The following ZRANB3 variants were observed in gnomAD, a reference collection of about 807,000 sequenced individuals.
ZRANB3 encodes DNA annealing helicase and endonuclease ZRANB3.
In ZRANB3, 125 loss-of-function variants were observed where a neutral mutation model predicts 133.8. The ratio of observed to expected loss-of-function variants is 0.93; its 90% CI spans 0.81 to 1.08. ZRANB3 has a LOEUF of 1.08. Among genes scored for constraint, ZRANB3 ranks in the 50% least tolerant of loss-of-function variants. The pLI, the probability that ZRANB3 is intolerant of heterozygous loss-of-function variation, is 0.00. For missense variants in ZRANB3, 1,229 were observed against 1,275.5 expected, an observed-to-expected ratio of 0.96 and a Z score of 0.56; for synonymous variants, 387 against 432.7, an observed-to-expected ratio of 0.89 and a Z score of 1.31.
intron 12 of ZRANB3, among the ~76,000 whole-genome samples, chr2:135,252,654 G>C (rs1035495085): frequency 6.6e-6 from 1 of 152,306 alleles, no homozygotes; most frequent in Admixed American, 6.5e-5. Flanking sequence ...GATGTCCTGA[G>C]TGAACCCTTC....
At chr2:135,481,359 T>C (rs1237356626) in intron 2 of ZRANB3, among the ~76,000 whole-genome samples, 1 of 152,050 alleles carries the variant, frequency 6.6e-6, no homozygotes, top group African/African-American at 2.4e-5. Flanking sequence ...ATTTCTCTGA[T>C]GGCCAGTGAT....
At chr2:135,292,737 T>G (rs910195617) in intron 8 of ZRANB3, among the ~76,000 whole-genome samples, 1 of 152,212 alleles carries the variant, frequency 6.6e-6, no homozygotes, top group African/African-American at 2.4e-5. Flanking sequence ...GGTCTAACAT[T>G]TAAGTCTTTA....
intron 1 of ZRANB3, among the ~76,000 whole-genome samples, chr2:135,506,446 A>G (rs566980948): frequency 2.6e-5 from 4 of 152,320 alleles, no homozygotes; most frequent in African/African-American, 9.6e-5. Flanking sequence ...GGAACGGTGT[A>G]AGATGAAGCT....
At chr2:135,427,464 A>T (rs535340462) in intron 2 of ZRANB3, among the ~76,000 whole-genome samples, 12 of 152,172 alleles carry the variant, frequency 7.9e-5, no homozygotes, top group Admixed American at 3.3e-4. Flanking sequence ...CATCCACAAC[A>T]GCCACAAGAA....
chr2:135,277,662 C>T (rs926576609), intron 8 of ZRANB3, among the ~76,000 whole-genome samples: 3 of 152,120 alleles, frequency 2.0e-5, no homozygotes, highest in Non-Finnish European at 2.9e-5. Flanking sequence ...CGGGGGCTCA[C>T]GCCTGTAATC....
At chr2:135,228,037 C>T in intron 13 of ZRANB3, 22 bp from the exon 14 acceptor site, 2 of 1,475,228 alleles carry the variant, frequency 1.4e-6, no homozygotes, top group Non-Finnish European at 1.8e-6. Context: ...AAAATTATTA[C>T]AAAAATGTAA....
chr2:135,310,189 G>A (rs1269818613), intron 8 of ZRANB3, among the ~76,000 whole-genome samples: 7 of 152,020 alleles, frequency 4.6e-5, no homozygotes, highest in Non-Finnish European at 7.4e-5. Flanking sequence ...CACCTGCCTC[G>A]GCCTCCCAAA....
Position 135,230,714 on chromosome 2 carries a change from C to A in ZRANB3, c.1753G>T (p.Asp585Tyr), listed in dbSNP as rs536760533. ...TKRLKLAASE[D>Y]HCSPSEETPS... The stretch of plus-strand genomic sequence containing the variant: ...GTCTCTTCCGACGGACTGCAGTGGT[C>A]TTCCGAGGCAGCCAATTTCAATCTT... The change falls in exon 13 of 21, where the codon GAC becomes TAC. Residue 585 changes from aspartate to tyrosine, a missense_variant. By Grantham distance (160) the Asp-to-Tyr change is radical. Transcript: ENST00000264159. The A allele has an allele frequency of 6.2e-7, 1 of 1,612,882 alleles. No individual in the cohort carries two copies. The highest frequency in any genetic ancestry group is 1.1e-5 in the South Asian group (1 of 90,638).
chr2:135,284,661 C>A, intron 8 of ZRANB3, among the ~76,000 whole-genome samples: 1 of 151,882 alleles, frequency 6.6e-6, no homozygotes, highest in South Asian at 2.1e-4. Flanking sequence ...TTAGTAGAAA[C>A]GGGGTTTCAT....
At chr2:135,224,710 T>C (rs1694691533) in intron 14 of ZRANB3, among the ~76,000 whole-genome samples, 193 bp from the exon 15 acceptor site, 1 of 152,226 alleles carries the variant, frequency 6.6e-6, no homozygotes, top group South Asian at 2.1e-4. Context: ...GCTTATATGG[T>C]AACCAATTGT....
At chr2:135,327,028 G>C (rs1214140710) in intron 6 of ZRANB3, among the ~76,000 whole-genome samples, 1 of 152,014 alleles carries the variant, frequency 6.6e-6, no homozygotes, top group Non-Finnish European at 1.5e-5. Context: ...GAGGTAGATG[G>C]GAGCATAGCA....
intron 2 of ZRANB3, among the ~76,000 whole-genome samples, chr2:135,473,231 T>C (rs766299577): frequency 6.6e-6 from 1 of 152,314 alleles, no homozygotes; most frequent in African/African-American, 2.4e-5. Flanking sequence ...AGGTACCTCA[T>C]GTAAATGAAA....
intron 7 of ZRANB3, among the ~76,000 whole-genome samples, chr2:135,314,995 G>C (rs190739524): frequency 2.0e-5 from 3 of 151,864 alleles, no homozygotes; most frequent in African/African-American, 7.3e-5. Context: ...GTGATCTGCC[G>C]ACCTCAGGTG....
intron 2 of ZRANB3, among the ~76,000 whole-genome samples, chr2:135,426,682 T>A (rs1283531992): frequency 6.7e-6 from 1 of 149,236 alleles, no homozygotes; most frequent in African/African-American, 2.5e-5. Flanking sequence ...TACAAAAAAA[T>A]TCAGCCAGGC....
intron 8 of ZRANB3, among the ~76,000 whole-genome samples, chr2:135,311,954 A>G (rs72982358): frequency 0.062 from 9,431 of 152,112 alleles, 576 homozygotes; most frequent in African/African-American, 0.16. Flanking sequence ...GACAGAAAGC[A>G]TATCTGTGGT....
At chr2:135,349,681 A>T (rs1685105826) in intron 5 of ZRANB3, among the ~76,000 whole-genome samples, 1 of 152,254 alleles carries the variant, frequency 6.6e-6, no homozygotes, top group Admixed American at 6.5e-5. Context: ...GAAGATTAAG[A>T]CCATAGAAGA....
At chr2:135,362,472 G>A (rs80009036) in intron 3 of ZRANB3, among the ~76,000 whole-genome samples, 1,569 of 152,228 alleles carry the variant, frequency 0.01, 25 homozygotes, top group African/African-American at 0.036. Flanking sequence ...AGAGCAGCAG[G>A]ATGAGAGGAA....
chr2:135,494,324 G>GAA (rs1191471446), intron 2 of ZRANB3, among the ~76,000 whole-genome samples: 6 of 132,430 alleles, frequency 4.5e-5, no homozygotes, highest in South Asian at 2.4e-4. Flanking sequence ...AAAAAAAAAA[G>GAA]AAAAGAAAAA....
intron 8 of ZRANB3, among the ~76,000 whole-genome samples, chr2:135,282,326 C>A (rs1308663442): frequency 6.6e-6 from 1 of 152,188 alleles, no homozygotes; most frequent in African/African-American, 2.4e-5. Flanking sequence ...TCCGGTATCC[C>A]TTCCCCCTTT....
Sources: gnomAD v4.1 joint callset for allele counts (sites outside exome capture counted in the v4.1 genomes callset) on GRCh38, gnomAD v4.1.1 for gene constraint, MANE v1.5 for transcripts, NCBI Gene and HGNC (gene_info 2026-07-23, HGNC 2026-07-21) for gene names.